The following MYO15A variants were observed in gnomAD, a reference collection of about 807,000 sequenced individuals.
MYO15A encodes the protein unconventional myosin-XV.
Under a neutral mutation model 394.6 loss-of-function variants are expected in MYO15A, and 308 were observed. That is an observed-to-expected ratio of 0.78 (90% CI 0.71 to 0.86). The LOEUF (loss-of-function observed/expected upper bound fraction) is 0.86. Ranked by LOEUF, MYO15A falls within the 40% of genes least tolerant of loss-of-function variation. MYO15A has a pLI of 0.00. For synonymous variants in MYO15A, 1,957 were observed against 2,003.8 expected (o/e 0.98, Z 0.62); for missense variants, 4,606 against 4,799.1 (o/e 0.96, Z 1.19).
intron 44 of MYO15A, 49 bp downstream of exon 44, chr17:18,154,239 G>A: frequency 6.2e-7 from 1 of 1,604,580 alleles, no homozygotes; most frequent in Non-Finnish European, 8.5e-7. Flanking sequence ...GCAGGGCTGT[G>A]TGGACGCAAA....
At chr17:18,139,418 G>A in intron 18 of MYO15A, 116 bp from the exon 19 acceptor site, 1 of 1,226,930 alleles carries the variant, frequency 8.2e-7, no homozygotes, top group South Asian at 1.3e-5. Context: ...CAGGAGTAGG[G>A]AGAATGGTGG....
In MYO15A at chr17:18,119,673, C is replaced by T; in HGVS notation, c.873C>T (p.His291=). The T allele has an allele frequency of 6.2e-7, 1 of 1,606,974 alleles. No individual in the cohort carries two copies. The highest frequency in any genetic ancestry group is 8.5e-7 in the Non-Finnish European group (1 of 1,179,956). ...YPPEDPYDYY[H]PDYYGGPFDP... The stretch of plus-strand genomic sequence containing the variant: ...CCGAGGATCCCTACGACTACTACCA[C>T]CCCGACTATTACGGTGGCCCCTTTG... The change falls in exon 2 of 66, where the codon CAC becomes CAT. Residue 291 remains histidine (H), a synonymous_variant. Coordinates refer to ENST00000647165, the MANE Select transcript of MYO15A (RefSeq NM_016239.4).
rs374937158 is a variant in MYO15A at position 18,132,441 on chromosome 17, C to T, written c.4207-12C>T. 179 of 1,612,186 alleles carry T rather than the reference C, an allele frequency of 1.1e-4. No individual in the cohort carries two copies. Among genetic ancestry groups the T allele is most frequent in the Middle Eastern group, 4.9e-4 (3 of 6,084 alleles). ...TGGCTCCCTTCTCTGTGCCCACCTA[C>T]CCACTCTACAGGCCAAAAACGAGAG... On this transcript the variant is annotated splice_polypyrimidine_tract_variant and intron_variant, in intron 10 of 65. Coordinates refer to ENST00000647165, the MANE Select transcript of MYO15A (RefSeq NM_016239.4). This position sits in a 1 kb window ranked among gnomAD's most constrained non-coding sequence, Gnocchi z 4.6.
rs1253874642 is a variant in MYO15A at position 18,166,396 on chromosome 17, A to G, written c.9823A>G (p.Ile3275Val). 1.2e-5 allele frequency: 20 copies of G among 1,613,806 alleles called. No individual in the cohort carries two copies. The highest frequency in any genetic ancestry group is 5.3e-5 in the African/African-American group (4 of 74,920). Residue 3275 changes from isoleucine (I) to valine (V), a missense_variant, in exon 61 of 66, where the codon ATC (isoleucine) becomes GTC (valine). By Grantham distance (29) the Ile-to-Val change is conservative. This residue lies in a region of MYO15A where 2,776 missense variants were observed against 3,109.3 expected (regional missense o/e 0.89). Transcript: ENST00000647165. ...GTGCCCACTCAGTCGCCGTGCTTAC[A>G]TCCTGGATGTGGCCTCAGAGATGGA... Reference protein sequence around the residue: ...HVCPLSRRAYILDVASEMEQV... With the variant: ...HVCPLSRRAYVLDVASEMEQV...
chr17:18,163,812 A>G lies in MYO15A; in HGVS notation c.9761A>G (p.Tyr3254Cys). 5 of 1,613,966 alleles carry G rather than the reference A, an allele frequency of 3.1e-6. No individual in the cohort carries two copies. The highest frequency in any genetic ancestry group is 4.2e-6 in the Non-Finnish European group (5 of 1,179,932). ...ALTRPEAFNE[Y>C]VIFVVTNRGQ... ...ACACGCCCTGAGGCCTTCAATGAAT[A>G]TGTTATCTTCGTTGTCACCAACCGT... Residue 3254 changes from tyrosine to cysteine, a missense_variant, in exon 60 of 66, where the codon TAT becomes TGT. Tyr to Cys is a radical substitution (Grantham distance 194, BLOSUM62 -2). Transcript: ENST00000647165.
At position 18,137,575 on chromosome 17, in the gene MYO15A, A is replaced by C. The variant is rs768675087; in HGVS notation, c.4780-9A>C. On this transcript the variant is annotated splice_polypyrimidine_tract_variant and intron_variant, in intron 15 of 65. Coordinates refer to ENST00000647165, the MANE Select transcript of MYO15A (RefSeq NM_016239.4). ...AGGACCAGTCCCAGCACCCCCATCC[A>C]CCTGGCAGGACCTGAGCTTCAACAG... 6.2e-6 allele frequency: 10 copies of C among 1,612,978 alleles called. No homozygotes were observed. The highest frequency in any genetic ancestry group is 7.6e-6 in the Non-Finnish European group (9 of 1,179,818).
intron 51 of MYO15A, 54 bp from the exon 52 acceptor site, chr17:18,158,469 G>A: frequency 6.6e-7 from 1 of 1,519,284 alleles, no homozygotes; most frequent in Non-Finnish European, 9.1e-7. Flanking sequence ...TTTGACCGAA[G>A]GGCTAGGCGT....
At chr17:18,122,794 TC>T (rs1430973067) in intron 2 of MYO15A, 1 of 213,200 alleles carries the variant, frequency 4.7e-6, no homozygotes, top group Non-Finnish European at 9.5e-6. Flanking sequence ...TGCCTATCCA[TC>T]CTGTTCCACC....
intron 62 of MYO15A, among the ~76,000 whole-genome samples, chr17:18,169,302 C>T (rs993815539): frequency 7.9e-5 from 12 of 151,758 alleles, no homozygotes; most frequent in Admixed American, 1.3e-4. Context: ...CAAAATTAGC[C>T]GGGCATGGTG....
chr17:18,156,821 C>T, intron 48 of MYO15A, 133 bp from the exon 49 acceptor site: 1 of 819,752 alleles, frequency 1.2e-6, no homozygotes, highest in Non-Finnish European at 2.1e-6. Flanking sequence ...CCAGAATGCC[C>T]TTCCCTCTTC....
rs752534089 is a variant in MYO15A at position 18,119,029 on chromosome 17, C to G, written c.229C>G (p.Arg77Gly). The stretch of plus-strand genomic sequence containing the variant: ...GAAGACCAAGCGCAAGAGGAAGGCC[C>G]GCACCGTGCTCAAGTCCACGTCAAA... Reference protein sequence around the residue: ...PQKTKRKRKARTVLKSTSKLM... With the variant: ...PQKTKRKRKAGTVLKSTSKLM... The change falls in exon 2 of 66, where the codon CGC (arginine) becomes GGC (glycine). Residue 77 changes from arginine (R) to glycine (G), a missense_variant. This residue lies in a region of MYO15A where 1,830 missense variants were observed against 1,689.7 expected (regional missense o/e 1.08). Transcript: ENST00000647165. 6.2e-7 allele frequency: 1 copy of G among 1,612,570 alleles called. No individual in the cohort carries two copies. Among genetic ancestry groups the G allele is most frequent in the Admixed American group, 1.7e-5 (1 of 59,952 alleles).
intron 25 of MYO15A, 65 bp downstream of exon 25, chr17:18,142,905 C>A: frequency 1.4e-6 from 2 of 1,432,802 alleles, no homozygotes; most frequent in Non-Finnish European, 1.9e-6. Flanking sequence ...ACTTAGCACC[C>A]AAGAGGAGAC....
intron 1 of MYO15A, among the ~76,000 whole-genome samples, chr17:18,111,457 C>T (rs2045720846): frequency 6.6e-6 from 1 of 152,114 alleles, no homozygotes; most frequent in Non-Finnish European, 1.5e-5. Flanking sequence ...AAGTGCCCTG[C>T]ACAGTGCTTG....
rs759523877 is a variant in MYO15A at position 18,119,015 on chromosome 17, G to T, written c.215G>T (p.Arg72Leu). 3.7e-6 allele frequency: 6 copies of T among 1,612,530 alleles called. No individual in the cohort carries two copies. Among genetic ancestry groups the T allele is most frequent in the Non-Finnish European group, 4.2e-6 (5 of 1,179,892 alleles). Residue 72 changes from arginine to leucine, a missense_variant, in exon 2 of 66, where the codon CGC (arginine) becomes CTC (leucine). Arg to Leu is a moderately radical substitution (Grantham distance 102). Transcript: ENST00000647165. The stretch of plus-strand genomic sequence containing the variant: ...CACACCGGCCCCCAGAAGACCAAGC[G>T]CAAGAGGAAGGCCCGCACCGTGCTC... ...GLHTGPQKTK[R>L]KRKARTVLKS...
rs1318501417 is a variant in MYO15A at position 18,150,879 on chromosome 17, C to T, written c.7439C>T (p.Pro2480Leu). Residue 2480 changes from proline (P) to leucine (L), a missense_variant, in exon 38 of 66, where the codon CCC becomes CTC. By Grantham distance (98) the Pro-to-Leu change is moderately conservative. Coordinates refer to ENST00000647165, the MANE Select transcript of MYO15A (RefSeq NM_016239.4). The surrounding 1 kb of genome is among the most constrained non-coding windows in gnomAD (Gnocchi z 4.4). Reference protein sequence around the residue: ...TLQATALQQQPLSAALRSLPA... With the variant: ...TLQATALQQQLLSAALRSLPA... ...CAGGCCACGGCACTCCAGCAGCAGC[C>T]CCTGAGTGCTGCCCTGAGATCCTTG... 3 of 1,598,680 alleles carry T rather than the reference C, an allele frequency of 1.9e-6. No individual in the cohort carries two copies. The highest frequency in any genetic ancestry group is 1.7e-5 in the Admixed American group (1 of 57,542).
In MYO15A at chr17:18,131,232, A is replaced by G. The variant is rs1161173048; in HGVS notation, c.4039-7A>G. 2.5e-6 allele frequency: 4 copies of G among 1,612,568 alleles called. No homozygotes were observed. Among genetic ancestry groups the G allele is most frequent in the Non-Finnish European group, 3.4e-6 (4 of 1,178,886 alleles). ...CCTCAATTCCCACATCTCCTTCTGGAGTCCAGATCCTGGAGGCAACACCCC... is the reference window on the plus strand; with the variant it reads ...CCTCAATTCCCACATCTCCTTCTGGGGTCCAGATCCTGGAGGCAACACCCC... On this transcript the variant is annotated splice_region_variant and splice_polypyrimidine_tract_variant and intron_variant, in intron 8 of 65. Coordinates refer to ENST00000647165, the MANE Select transcript of MYO15A (RefSeq NM_016239.4).
Position 18,119,766 on chromosome 17 carries a change from C to T in MYO15A, c.966C>T (p.Tyr322=), listed in dbSNP as rs769905110. 3 of 1,612,992 alleles carry T rather than the reference C, an allele frequency of 1.9e-6. No homozygotes were observed. In the East Asian group the frequency reaches 6.7e-5, roughly 36 times the overall value. ...YEPPYAPPSG[Y]SSPYSYHDGY... ...CCCCATATGCGCCCCCGTCGGGGTA[C>T]TCGTCTCCTTACAGCTACCACGATG... The change falls in exon 2 of 66, where the codon TAC becomes TAT. Residue 322 remains tyrosine, a synonymous_variant. Coordinates refer to ENST00000647165, the MANE Select transcript of MYO15A (RefSeq NM_016239.4).
intron 56 of MYO15A, chr17:18,160,830 A>G (rs1416826943): frequency 6.1e-6 from 2 of 326,536 alleles, no homozygotes; most frequent in Non-Finnish European, 1.2e-5. Context: ...GTACGTGCCC[A>G]ATGTGTGCAT....
chr17:18,138,003 A>G, intron 16 of MYO15A, 112 bp from the exon 17 acceptor site: 1 of 1,376,886 alleles, frequency 7.3e-7, no homozygotes. Flanking sequence ...TCTGGGAGGT[A>G]TGCAAGCAGA....
Sources: gnomAD v4.1 joint callset for allele counts (sites outside exome capture counted in the v4.1 genomes callset) on GRCh38, gnomAD v4.1.1 for gene constraint, gnomAD v4.1.1 regional missense constraint, Gnocchi (gnomAD v3.1) non-coding constraint, MANE v1.5 for transcripts, NCBI Gene and HGNC (gene_info 2026-07-23, HGNC 2026-07-21) for gene names.